The following VPS39 variants were observed in gnomAD, a reference collection of about 807,000 sequenced individuals.
The protein encoded by VPS39 is vam6/Vps39-like protein.
A neutral mutation model predicts 121.0 loss-of-function variants in VPS39; 70 were observed. The ratio of observed to expected loss-of-function variants is 0.58; its 90% CI spans 0.48 to 0.71. VPS39 has a LOEUF of 0.71. Ranked by LOEUF, VPS39 falls within the 30% of genes least tolerant of loss-of-function variation. The probability of loss-of-function intolerance (pLI) is 0.00; values close to 1 mark genes in which losing one functional copy is unlikely to be tolerated. For missense variants in VPS39, 818 were observed against 1,051.5 expected (o/e 0.78, Z 3.07); for synonymous variants, 378 against 398.1 (o/e 0.95, Z 0.60).
intron 2 of VPS39, among the ~76,000 whole-genome samples, chr15:42,195,354 C>T (rs2049914927): frequency 1.3e-5 from 2 of 152,138 alleles, no homozygotes; most frequent in Non-Finnish European, 2.9e-5. Flanking sequence ...GTGGGCAGAT[C>T]ACTTGAGCCC....
At chr15:42,163,213 C>T in intron 21 of VPS39, 137 bp downstream of exon 21, 2 of 1,047,674 alleles carry the variant, frequency 1.9e-6, no homozygotes, top group Non-Finnish European at 2.9e-6. Context: ...TGCTGTCCCT[C>T]AATACACACA....
rs2050222011 is a variant in VPS39, at chr15:42,208,302, C to T, written c.-149G>A. On this transcript the variant is annotated 5_prime_UTR_variant, in exon 1 of 25. Transcript: ENST00000318006. ...CTTCAACAACACAGCCATCGTCAAC[C>T]CCGGACTTCCTGCTAGTTAGGCCCG... The T allele has an allele frequency of 1.0e-6, 1 of 999,760 alleles. No homozygotes were observed. The highest frequency in any genetic ancestry group is 1.7e-5 in the South Asian group (1 of 60,562). The allele number at this position is 999,760 out of a possible 1,614,324, so 61.9% of individuals were successfully genotyped here.
chr15:42,193,579 G>T (rs913519877), intron 2 of VPS39, among the ~76,000 whole-genome samples: 6 of 152,044 alleles, frequency 3.9e-5, no homozygotes, highest in Admixed American at 3.9e-4. Flanking sequence ...TAAAACTCAT[G>T]CATTAGTCAT....
At position 42,166,831 on chromosome 15, in the gene VPS39, T is replaced by C; in HGVS notation, c.1460A>G (p.Lys487Arg). 6.2e-7 allele frequency: 1 copy of C among 1,614,232 alleles called. No homozygotes were observed. Among genetic ancestry groups the C allele is most frequent in the African/African-American group, 1.3e-5 (1 of 75,068 alleles). Residue 487 changes from lysine (K) to arginine (R), a missense_variant, in exon 14 of 25, where the codon AAG becomes AGG. Lys to Arg is a conservative substitution (Grantham distance 26). Coordinates refer to ENST00000318006, the MANE Select transcript of VPS39 (RefSeq NM_015289.5). ...HIEESEHVLKKAHKYSELIIL... is the reference protein window; with the variant it reads ...HIEESEHVLKRAHKYSELIIL... ...GATAAGCTCACTGTACTTGTGAGCC[T>C]TCTTTAGCACGTGCTCGCTCTCCTC... is the stretch of plus-strand genomic sequence containing the variant.
In VPS39 at chr15:42,184,665, T is replaced by C. The variant is rs1475796309; in HGVS notation, c.570A>G (p.Pro190=). 6.2e-7 allele frequency: 1 copy of C among 1,613,954 alleles called. No individual in the cohort carries two copies. The highest frequency in any genetic ancestry group is 1.7e-5 in the Admixed American group (1 of 59,992). ...CTAAGGGCTCCAGCTGTTTTCCTGT[T>C]GGAAAGAGCTCTTTGATGGACCCCT... is the stretch of plus-strand genomic sequence containing the variant. ...DGKGSIKELF[P]TGKQLEPLVA... Residue 190 remains proline (P), a synonymous_variant, in exon 8 of 25, where the codon CCA becomes CCG. Coordinates refer to ENST00000318006, the MANE Select transcript of VPS39 (RefSeq NM_015289.5).
intron 4 of VPS39, among the ~76,000 whole-genome samples, chr15:42,189,946 T>C (rs1442107448): frequency 6.6e-6 from 1 of 151,814 alleles, no homozygotes; most frequent in African/African-American, 2.4e-5. Context: ...CCTGAGTAGC[T>C]AGGACTACAG....
chr15:42,187,730 A>AGGTT lies in VPS39; in HGVS notation c.441+27_441+28insAACC, dbSNP rs1566904491. 1.9e-6 allele frequency: 3 copies of AGGTT among 1,610,084 alleles called. No individual in the cohort carries two copies. In the African/African-American group the frequency reaches 4.0e-5, roughly 22 times the overall value. ...GAGCCACTGCAGCAGCTCCCACCCA[A>AGGTT]CCATGGACCAAGGAACAGTGGACTT... is the stretch of plus-strand genomic sequence containing the variant. On this transcript the variant is annotated intron_variant, in intron 6 of 24. Coordinates refer to ENST00000318006, the MANE Select transcript of VPS39 (RefSeq NM_015289.5).
Position 42,162,157 on chromosome 15 carries a change from G to A in VPS39, c.2335C>T (p.Leu779Phe). ...TTGATCTGAGTGTTTGCTGGCAGAA[G>A]GTTGAGGGCCTAGGGACAGGAACAG... The part of the protein sequence containing the change: ...SKLDTTKALN[L>F]LPANTQINDI... Residue 779 changes from leucine to phenylalanine, a missense_variant, in exon 23 of 25, where the codon CTT becomes TTT. Coordinates refer to ENST00000318006, the MANE Select transcript of VPS39 (RefSeq NM_015289.5). 2 of 1,614,206 alleles carry A rather than the reference G, an allele frequency of 1.2e-6. No homozygotes were observed. Among genetic ancestry groups the A allele is most frequent in the Non-Finnish European group, 1.7e-6 (2 of 1,180,044 alleles).
intron 24 of VPS39, chr15:42,161,184 C>T (rs760110445): frequency 1.1e-4 from 36 of 330,210 alleles, no homozygotes; most frequent in Non-Finnish European, 1.8e-4. Flanking sequence ...CTGAAAAGGA[C>T]GGCGAGTTTG....
At chr15:42,180,045 C>T (rs1369153854) in intron 8 of VPS39, among the ~76,000 whole-genome samples, 1 of 152,192 alleles carries the variant, frequency 6.6e-6, no homozygotes, top group Admixed American at 6.5e-5. Flanking sequence ...CCTTACCAGA[C>T]ACCAGATGCC....
intron 11 of VPS39, among the ~76,000 whole-genome samples, chr15:42,170,830 C>G (rs993495531): frequency 7.6e-6 from 1 of 131,174 alleles, no homozygotes; most frequent in Non-Finnish European, 1.6e-5. Context: ...CCTCCTGGCT[C>G]AAGTGATCCT....
rs139109839 is a variant in VPS39 at position 42,162,263 on chromosome 15, T to C, written c.2325+69A>G. On this transcript the variant is annotated intron_variant, in intron 22 of 24. Coordinates refer to ENST00000318006, the MANE Select transcript of VPS39 (RefSeq NM_015289.5). ...TGGAGCTCTTGGACCCTAGTCCCTT[T>C]CCACATTTCCTCTTCTCATTCGGTG... 6.2e-5 allele frequency: 99 copies of C among 1,598,868 alleles called. No homozygotes were observed. The African/African-American group carries it at 1.1e-3, about 18-fold the overall frequency.
intron 6 of VPS39, 133 bp from the exon 7 acceptor site, chr15:42,187,496 C>T (rs558289336): frequency 1.5e-4 from 120 of 812,408 alleles, no homozygotes; most frequent in Non-Finnish European, 2.1e-4. Flanking sequence ...AGGCACAAGG[C>T]CAGGAAACTA....
At chr15:42,186,678 T>C (rs1595669417) in intron 7 of VPS39, among the ~76,000 whole-genome samples, 2 of 152,250 alleles carry the variant, frequency 1.3e-5, no homozygotes, top group African/African-American at 2.4e-5. Context: ...TTGTATAGCA[T>C]AGTATTTTTA....
Position 42,191,083 on chromosome 15 carries a change from T to C in VPS39, c.247+42A>G, listed in dbSNP as rs762025807. On this transcript the variant is annotated intron_variant, in intron 4 of 24. Transcript: ENST00000318006. Reference sequence around the variant, plus strand: ...GAAAGGATTAATTAGGTCATATCTTTTCTTGTTAGACACAGGATACAAATG... The same window carrying C: ...GAAAGGATTAATTAGGTCATATCTTCTCTTGTTAGACACAGGATACAAATG... The C allele has an allele frequency of 3.7e-6, 6 of 1,606,594 alleles. No individual in the cohort carries two copies. The East Asian group carries it at 6.7e-5, about 18-fold the overall frequency.
rs2049143701 is a variant in VPS39, at chr15:42,162,245, C to G, written c.2326-79G>C. The G allele has an allele frequency of 1.9e-6, 3 of 1,605,680 alleles. No homozygotes were observed. In the Admixed American group the frequency reaches 5.0e-5, roughly 27 times the overall value. ...AAGAAATGTCTGCAGCCGTGGAGCT[C>G]TTGGACCCTAGTCCCTTTCCACATT... On this transcript the variant is annotated intron_variant, in intron 22 of 24. Coordinates refer to ENST00000318006, the MANE Select transcript of VPS39 (RefSeq NM_015289.5).
chr15:42,187,128 A>G, intron 7 of VPS39, 143 bp downstream of exon 7: 2 of 597,972 alleles, frequency 3.3e-6, no homozygotes, highest in Non-Finnish European at 5.7e-6. Flanking sequence ...AATGCTGAGC[A>G]TGAATGATAA....
chr15:42,200,425 T>A (rs2050043298), intron 1 of VPS39, among the ~76,000 whole-genome samples: 1 of 152,174 alleles, frequency 6.6e-6, no homozygotes, highest in South Asian at 2.1e-4. Context: ...AAACCAGGTA[T>A]CCAACCTCAG....
rs1323546194 is a variant in VPS39 at position 42,161,675 on chromosome 15, G to C, written c.2552+7C>G. ...CCAGATGCCACACAGGTGTGAAGGA[G>C]GCTCACCTGTTCCCAATCTTCTTCT... On this transcript the variant is annotated splice_region_variant and intron_variant, in intron 24 of 24. Coordinates refer to ENST00000318006, the MANE Select transcript of VPS39 (RefSeq NM_015289.5). 3 of 1,613,534 alleles carry C rather than the reference G, an allele frequency of 1.9e-6. No homozygotes were observed. Among genetic ancestry groups the C allele is most frequent in the Non-Finnish European group, 2.5e-6 (3 of 1,179,522 alleles).
Sources: allele counts gnomAD v4.1 joint callset (sites outside exome capture counted in the v4.1 genomes callset), GRCh38; gene constraint gnomAD v4.1.1; transcripts MANE v1.5; gene names NCBI Gene and HGNC (gene_info 2026-07-23, HGNC 2026-07-21).